The following CLTC variants were observed in gnomAD, a reference collection of about 807,000 sequenced individuals.
CLTC encodes the protein clathrin heavy chain 1.
Under a neutral mutation model 195.8 loss-of-function variants are expected in CLTC, and 16 were observed. The ratio of observed to expected loss-of-function variants is 0.08; its 90% confidence interval spans 0.06 to 0.12. The LOEUF is 0.12. Ranked by LOEUF, CLTC falls within the 10% of genes least tolerant of loss-of-function variation. CLTC has a pLI of 1.00. For missense variants in CLTC, 796 were observed against 2,027.0 expected, an observed-to-expected ratio of 0.39 and a Z score of 11.66; for synonymous variants, 667 against 689.4, an observed-to-expected ratio of 0.97 and a Z score of 0.51.
intron 4 of CLTC, among the ~76,000 whole-genome samples, chr17:59,649,931 G>A (rs574743183): frequency 1.3e-5 from 2 of 152,154 alleles, no homozygotes; most frequent in Non-Finnish European, 2.9e-5. Flanking sequence ...AAGTTTCAAT[G>A]TCATTTTGAA....
chr17:59,648,154 A>T lies in CLTC; in HGVS notation c.520-86A>T. On this transcript the variant is annotated intron_variant, in intron 3 of 31. Transcript: ENST00000269122. The surrounding 1 kb of genome is among the most constrained non-coding windows in gnomAD (Gnocchi z 4.5). ...TTATAAATCCTGCTAAAGATGACAA[A>T]GCATTCTAATTATTTCATTACTTGA... The T allele has an allele frequency of 8.2e-7, 1 of 1,213,028 alleles. No individual in the cohort carries two copies. The highest frequency in any genetic ancestry group is 1.6e-5 in the South Asian group (1 of 61,072). The allele number at this position is 1,213,028 out of a possible 1,614,324, so 75.1% of individuals were successfully genotyped here.
chr17:59,628,525 T>G (rs1324046763), intron 1 of CLTC, among the ~76,000 whole-genome samples: 1 of 152,202 alleles, frequency 6.6e-6, no homozygotes, highest in African/African-American at 2.4e-5. Context: ...AGCCAAGATC[T>G]TGAAGTTACA....
Position 59,682,846 on chromosome 17 carries a change from T to C in CLTC, c.3765+53T>C. On this transcript the variant is annotated intron_variant, in intron 23 of 31. Coordinates refer to ENST00000269122, the MANE Select transcript of CLTC (RefSeq NM_004859.4). The surrounding 1 kb of genome is among the most constrained non-coding windows in gnomAD (Gnocchi z 6.8). ...AATTAAAGAAACGCTATTTAAACATTAGTTTAAATAACTAGCCATGTTTTA... is the reference window on the plus strand; with the variant it reads ...AATTAAAGAAACGCTATTTAAACATCAGTTTAAATAACTAGCCATGTTTTA... 1 of 1,603,152 alleles carries C rather than the reference T, an allele frequency of 6.2e-7. No individual in the cohort carries two copies. The highest frequency in any genetic ancestry group is 8.5e-7 in the Non-Finnish European group (1 of 1,170,934).
chr17:59,639,051 C>T (rs556101216), intron 1 of CLTC, among the ~76,000 whole-genome samples: 1 of 152,226 alleles, frequency 6.6e-6, no homozygotes, highest in South Asian at 2.1e-4. Flanking sequence ...GTTTAGGTGT[C>T]AAGTCCTAAA....
intron 18 of CLTC, 96 bp downstream of exon 18, chr17:59,679,615 A>G (rs1235287661): frequency 3.6e-6 from 4 of 1,105,934 alleles, no homozygotes; most frequent in Non-Finnish European, 4.9e-6. Context: ...CAAATGGATC[A>G]TATATAACTA....
At chr17:59,692,784 G>A (rs1486111349) in intron 31 of CLTC, among the ~76,000 whole-genome samples, 2 of 151,972 alleles carry the variant, frequency 1.3e-5, no homozygotes, top group Admixed American at 1.3e-4. Context: ...TTATAAGCAT[G>A]CACCACCACG....
chr17:59,633,997 C>G (rs537546351), intron 1 of CLTC, among the ~76,000 whole-genome samples: 2 of 152,262 alleles, frequency 1.3e-5, no homozygotes, highest in South Asian at 4.1e-4. Flanking sequence ...CAGCCTCTGC[C>G]TCCTGGACTC....
Position 59,682,375 on chromosome 17 carries a change from C to T in CLTC, c.3547C>T (p.Leu1183Phe). The change falls in exon 22 of 32, where the codon CTT (leucine) becomes TTT (phenylalanine). Residue 1183 changes from leucine (L) to phenylalanine (F), a missense_variant. Leu to Phe is a conservative substitution (Grantham distance 22). Transcript: ENST00000269122. This position sits in a 1 kb window ranked among gnomAD's most constrained non-coding sequence, Gnocchi z 6.8. ...ATTCGCACTGGCTAAAACAAACCGC[C>T]TTGCAGAGTTAGAAGAATTTATCAA... Reference protein sequence around the residue: ...LIFALAKTNRLAELEEFINGP... With the variant: ...LIFALAKTNRFAELEEFINGP... 6.2e-7 allele frequency: 1 copy of T among 1,614,122 alleles called. No homozygotes were observed. Among genetic ancestry groups the T allele is most frequent in the South Asian group, 1.1e-5 (1 of 91,088 alleles).
intron 1 of CLTC, among the ~76,000 whole-genome samples, chr17:59,643,120 T>C (rs1184993065): frequency 6.8e-6 from 1 of 146,362 alleles, no homozygotes. Context: ...TTCCATGCTT[T>C]TTCTTTTCTG....
At chr17:59,690,178 T>C (rs934567677) in intron 30 of CLTC, 2 of 153,194 alleles carry the variant, frequency 1.3e-5, no homozygotes, top group African/African-American at 4.8e-5. Flanking sequence ...TCAGAAGTTA[T>C]ACACAATTGG....
Position 59,695,834 on chromosome 17 carries a change from GAAAA to G in CLTC, c.*1989_*1992del, listed in dbSNP as rs200153124. ...CCCTCAGTGCAAATATCAACACAGA[GAAAA>G]AAAAAATAATAATAGTATTATGAAA... On this transcript the variant is annotated 3_prime_UTR_variant, in exon 32 of 32. Coordinates refer to ENST00000269122, the MANE Select transcript of CLTC (RefSeq NM_004859.4). 3.3e-5 allele frequency: 3 copies of G among 91,678 alleles called. No individual in the cohort carries two copies. Among genetic ancestry groups the G allele is most frequent in the Admixed American group, 1.6e-4 (1 of 6,160 alleles). The allele number at this position is 91,678 out of a possible 1,614,324, so 5.7% of individuals were successfully genotyped here.
chr17:59,678,726 G>A (rs1344907503), intron 17 of CLTC, among the ~76,000 whole-genome samples: 2 of 152,148 alleles, frequency 1.3e-5, no homozygotes, highest in African/African-American at 4.8e-5. Context: ...TCTGGGCCAG[G>A]TGAGTGGCTC....
chr17:59,682,130 A>C lies in CLTC; in HGVS notation c.3443-141A>C. ...CTATTCATTTGGTCCGTGATAATAC[A>C]GAAGTGAAATATTGCACGGTTTACA... On this transcript the variant is annotated intron_variant, in intron 21 of 31. Coordinates refer to ENST00000269122, the MANE Select transcript of CLTC (RefSeq NM_004859.4). The surrounding 1 kb of genome is among the most constrained non-coding windows in gnomAD (Gnocchi z 6.8). 1.2e-6 allele frequency: 1 copy of C among 803,000 alleles called. No individual in the cohort carries two copies. The highest frequency in any genetic ancestry group is 1.9e-6 in the Non-Finnish European group (1 of 518,334). 49.7% of individuals were successfully genotyped at this position (803,000 alleles called of 1,614,324 possible).
At chr17:59,622,858 T>A (rs2031426134) in intron 1 of CLTC, among the ~76,000 whole-genome samples, 1 of 152,228 alleles carries the variant, frequency 6.6e-6, no homozygotes, top group African/African-American at 2.4e-5. Flanking sequence ...ACCCTTTAAC[T>A]ACATTGTCCA....
intron 1 of CLTC, among the ~76,000 whole-genome samples, chr17:59,627,798 C>T (rs556700505): frequency 1.1e-4 from 16 of 152,320 alleles, no homozygotes; most frequent in Non-Finnish European, 1.6e-4. Flanking sequence ...ACTTGTCACA[C>T]TTTTCTATAG....
chr17:59,692,513 T>C (rs980931719), intron 31 of CLTC, among the ~76,000 whole-genome samples: 3 of 152,242 alleles, frequency 2.0e-5, no homozygotes, highest in Non-Finnish European at 4.4e-5. Context: ...AGCCAAGTTC[T>C]CTACAGGTCA....
intron 8 of CLTC, among the ~76,000 whole-genome samples, chr17:59,663,230 A>G (rs1465367123): frequency 1.3e-5 from 2 of 152,212 alleles, no homozygotes; most frequent in African/African-American, 4.8e-5. Context: ...TGGGCAGCTG[A>G]ATGAGTAAGG....
chr17:59,643,186 TTTA>T (rs2032092932), intron 1 of CLTC, among the ~76,000 whole-genome samples: 1 of 149,970 alleles, frequency 6.7e-6, no homozygotes. Flanking sequence ...ACCATGCGAA[TTTA>T]TTATATTACC....
At chr17:59,640,782 A>T (rs2143485117) in intron 1 of CLTC, among the ~76,000 whole-genome samples, 1 of 152,034 alleles carries the variant, frequency 6.6e-6, no homozygotes, top group South Asian at 2.1e-4. Context: ...AATGACCACC[A>T]CTTAAGTGTG....
Sources: allele counts gnomAD v4.1 joint callset (sites outside exome capture counted in the v4.1 genomes callset), GRCh38; gene constraint gnomAD v4.1.1; non-coding constraint Gnocchi (gnomAD v3.1); transcripts MANE v1.5; gene names NCBI Gene and HGNC (gene_info 2026-07-23, HGNC 2026-07-21).